Variants in GCC2 observed in about 807,000 individuals in gnomAD.
GCC2 encodes GRIP and coiled-coil domain-containing protein 2.
In GCC2, 120 loss-of-function variants were observed where a neutral mutation model predicts 210.6. That is an observed-to-expected ratio of 0.57 (90% CI 0.49 to 0.66). The LOEUF (loss-of-function observed/expected upper bound fraction) is 0.66. Ranked by LOEUF, GCC2 falls within the 30% of genes least tolerant of loss-of-function variation. The pLI, the probability that GCC2 is intolerant of heterozygous loss-of-function variation, is 0.00. For missense variants in GCC2, 1,868 were observed against 1,871.9 expected, an observed-to-expected ratio of 1.00 and a Z score of 0.04; for synonymous variants, 703 against 652.7, an observed-to-expected ratio of 1.08 and a Z score of -1.17.
At chr2:108,504,590 CCCCCACACACATTAAAACTCAGCA>C (rs1683094195) in intron 22 of GCC2, among the ~76,000 whole-genome samples, 1 of 152,074 alleles carries the variant, frequency 6.6e-6, no homozygotes, top group Admixed American at 6.5e-5. Flanking sequence ...ATTCACCTTG[CCCCCACACACATTAAAACTCAGCA>C]TATTTCACAA....
intron 19 of GCC2, chr2:108,493,678 G>A (rs1469356719): frequency 1.0e-6 from 1 of 985,328 alleles, no homozygotes; most frequent in African/African-American, 1.7e-5. Context: ...CAAGTTGATG[G>A]TGTTTTGGTT....
chr2:108,461,878 G>T (rs1424099382), intron 4 of GCC2, among the ~76,000 whole-genome samples: 2 of 127,916 alleles, frequency 1.6e-5, no homozygotes, highest in Non-Finnish European at 3.1e-5. Flanking sequence ...CTTTCGCCCA[G>T]GCCGGACTGC....
chr2:108,479,855 G>A (rs1350407878), intron 9 of GCC2, among the ~76,000 whole-genome samples: 2 of 151,768 alleles, frequency 1.3e-5, no homozygotes, highest in Non-Finnish European at 1.5e-5. Context: ...GGTAGCACAT[G>A]CCTGTAATCC....
chr2:108,482,237 C>T (rs1281622377), intron 10 of GCC2, 50 bp from the exon 11 acceptor site: 1 of 1,056,442 alleles, frequency 9.5e-7, no homozygotes, highest in African/African-American at 1.6e-5. Flanking sequence ...TCTTCCTCTG[C>T]TGTATATGTT....
At chr2:108,452,987 C>T (rs951462044) in intron 4 of GCC2, among the ~76,000 whole-genome samples, 3 of 152,186 alleles carry the variant, frequency 2.0e-5, no homozygotes, top group Admixed American at 2.0e-4. Flanking sequence ...CCACCACGCC[C>T]AGCCCATATT....
chr2:108,477,267 TAGG>T (rs1268809504), intron 9 of GCC2, among the ~76,000 whole-genome samples: 3 of 152,178 alleles, frequency 2.0e-5, no homozygotes, highest in Admixed American at 1.3e-4. Flanking sequence ...CAGATTAATG[TAGG>T]AGAAGAGATA....
intron 4 of GCC2, 103 bp from the exon 5 acceptor site, chr2:108,468,877 T>G (rs910743304): frequency 1.5e-5 from 11 of 721,886 alleles, no homozygotes; most frequent in Admixed American, 6.9e-5. Context: ...TTAAAATCTC[T>G]TATTCTCACT....
chr2:108,491,777 A>T lies in GCC2; in HGVS notation c.4230-796A>T, dbSNP rs1033139339. The stretch of plus-strand genomic sequence containing the variant: ...TGTATAAAAGGAAATTTATTTATTT[A>T]TTTATTTATTTTTTTTACCAAAGCC... On this transcript the variant is annotated intron_variant, in intron 18 of 22. Transcript: ENST00000309863. Among the ~76,000 whole-genome samples the T allele has an allele frequency of 8.4e-4, 126 of 150,178 alleles. 1 individual carries two copies. The highest frequency in any genetic ancestry group is 2.9e-3 in the African/African-American group (120 of 40,820).
chr2:108,470,468 G>T lies in GCC2; in HGVS notation c.1139G>T (p.Arg380Leu). The T allele has an allele frequency of 1.2e-6, 2 of 1,607,918 alleles. No homozygotes were observed. Among genetic ancestry groups the T allele is most frequent in the South Asian group, 2.2e-5 (2 of 90,680 alleles). ...ATAAAGGATGAGTTTTTTCATGAACGGGAAGACTTAGAGTTTAAAATTAAT... is the reference window on the plus strand; with the variant it reads ...ATAAAGGATGAGTTTTTTCATGAACTGGAAGACTTAGAGTTTAAAATTAAT... ...QHIKDEFFHE[R>L]EDLEFKINEL... Residue 380 changes from arginine to leucine, a missense_variant, in exon 6 of 23, where the codon CGG (arginine) becomes CTG (leucine). Arg to Leu is a moderately radical substitution (Grantham distance 102, BLOSUM62 -2). Transcript: ENST00000309863.
intron 18 of GCC2, among the ~76,000 whole-genome samples, chr2:108,492,141 G>A (rs548778944): frequency 7.1e-6 from 1 of 140,092 alleles, no homozygotes; most frequent in African/African-American, 2.6e-5. Context: ...AGAGTGTGGG[G>A]TTTTTTTTTT....
Position 108,482,272 on chromosome 2 carries a change from C to T in GCC2, c.3181-15C>T, listed in dbSNP as rs770175839. On this transcript the variant is annotated splice_polypyrimidine_tract_variant and intron_variant, in intron 10 of 22. Coordinates refer to ENST00000309863, the MANE Select transcript of GCC2 (RefSeq NM_181453.4). ...TTTTTGCATGTTTATAGTAATGAAT[C>T]ATTTGTCATTTCAGTGTGAAACAAT... The T allele has an allele frequency of 2.7e-5, 40 of 1,504,732 alleles. 1 individual carries two copies. The Admixed American group carries it at 7.5e-4, about 28-fold the overall frequency. 93.2% of individuals were successfully genotyped at this position (1,504,732 alleles called of 1,614,324 possible).
intron 4 of GCC2, among the ~76,000 whole-genome samples, chr2:108,468,531 A>T (rs1681021438): frequency 6.6e-6 from 1 of 152,102 alleles, no homozygotes; most frequent in Non-Finnish European, 1.5e-5. Context: ...TTCTGCAGAG[A>T]ATAACCTGTC....
In GCC2 at chr2:108,471,633, A is replaced by C. The variant is rs752942121; in HGVS notation, c.2304A>C (p.Ser768=). The change falls in exon 6 of 23, where the codon TCA becomes TCC. Residue 768 remains serine, a synonymous_variant. Coordinates refer to ENST00000309863, the MANE Select transcript of GCC2 (RefSeq NM_181453.4). ...QLYGFLKEMG[S]EVSEDSEEKD... ...ATGGTTTTCTTAAAGAAATGGGATC[A>C]GAAGTTTCAGAAGACAGTGAAGAGA... is the stretch of plus-strand genomic sequence containing the variant. The C allele has an allele frequency of 6.2e-7, 1 of 1,613,584 alleles. No homozygotes were observed. Among genetic ancestry groups the C allele is most frequent in the Non-Finnish European group, 8.5e-7 (1 of 1,179,552 alleles).
At chr2:108,469,455 T>G in intron 5 of GCC2, 196 bp from the exon 6 acceptor site, 1 of 504,086 alleles carries the variant, frequency 2.0e-6, no homozygotes, top group Non-Finnish European at 3.5e-6. Context: ...GATTTAATAT[T>G]GTAGATATAT....
At chr2:108,488,496 G>T (rs894605488) in intron 17 of GCC2, among the ~76,000 whole-genome samples, 1 of 152,136 alleles carries the variant, frequency 6.6e-6, no homozygotes, top group East Asian at 1.9e-4. Context: ...AAATTAAAAT[G>T]CTAAGCATAC....
chr2:108,476,157 T>A (rs1164371696), intron 9 of GCC2, among the ~76,000 whole-genome samples: 1 of 149,738 alleles, frequency 6.7e-6, no homozygotes, highest in Admixed American at 6.8e-5. Context: ...GCCCCCAGGT[T>A]CCAGCAATTC....
At chr2:108,499,308 C>G (rs1326475904) in intron 21 of GCC2, among the ~76,000 whole-genome samples, 1 of 151,980 alleles carries the variant, frequency 6.6e-6, no homozygotes, top group Non-Finnish European at 1.5e-5. Context: ...GCAAATGCAG[C>G]TTTGAAACTA....
chr2:108,455,280 A>C (rs1041656287), intron 4 of GCC2, among the ~76,000 whole-genome samples: 3 of 152,104 alleles, frequency 2.0e-5, no homozygotes, highest in African/African-American at 4.8e-5. Flanking sequence ...TCTCTACTCA[A>C]AATACAAAAA....
At chr2:108,506,211 C>G (rs1203617864) in intron 22 of GCC2, among the ~76,000 whole-genome samples, 1 of 152,134 alleles carries the variant, frequency 6.6e-6, no homozygotes. Flanking sequence ...TTGCTAAAAA[C>G]GAGGAAGATC....
Sources: allele counts gnomAD v4.1 joint callset (sites outside exome capture counted in the v4.1 genomes callset), GRCh38; gene constraint gnomAD v4.1.1; transcripts MANE v1.5; gene names NCBI Gene and HGNC (gene_info 2026-07-23, HGNC 2026-07-21).